The following CCDC149 variants were observed in gnomAD, a reference collection of about 807,000 sequenced individuals.
CCDC149 encodes coiled-coil domain containing 149.
Under a neutral mutation model 59.9 loss-of-function variants are expected in CCDC149, and 45 were observed. The observed-to-expected ratio is 0.75, with a 90% CI of 0.59 to 0.96. CCDC149 has a LOEUF of 0.96. CCDC149 is among the 40% of genes least tolerant of loss of function. The pLI, the probability that CCDC149 is intolerant of heterozygous loss-of-function variation, is 0.00. For missense variants in CCDC149, 584 were observed against 664.7 expected (o/e 0.88, Z 1.33); for synonymous variants, 245 against 260.6 (o/e 0.94, Z 0.58).
At chr4:24,808,950 C>A in intron 12 of CCDC149, 131 bp from the exon 13 acceptor site, 1 of 808,370 alleles carries the variant, frequency 1.2e-6, no homozygotes, top group South Asian at 1.9e-5. Flanking sequence ...TTTTGGCTCC[C>A]TGTGCAGGGC....
In CCDC149 at chr4:24,807,455, G is replaced by A. The variant is rs138285987; in HGVS notation, c.*934C>T. The stretch of plus-strand genomic sequence containing the variant: ...AGGCAGCCTCAACATTCTGTTGAAG[G>A]AGTGAAGGGTTTGGAAGTTCCAGGT... On this transcript the variant is annotated 3_prime_UTR_variant, in exon 13 of 13. Coordinates refer to ENST00000635206, the MANE Select transcript of CCDC149 (RefSeq NM_001330643.2). 1.3e-5 allele frequency: 2 copies of A among 152,336 alleles called. No homozygotes were observed. The highest frequency in any genetic ancestry group is 4.8e-5 in the African/African-American group (2 of 41,558). The allele number at this position is 152,336 out of a possible 1,614,324, so 9.4% of individuals were successfully genotyped here. A position where few individuals can be genotyped will look rare whatever the true frequency, so the allele number is the denominator to read the frequency against.
chr4:24,871,058 A>G (rs2109232437), intron 3 of CCDC149, among the ~76,000 whole-genome samples: 1 of 152,026 alleles, frequency 6.6e-6, no homozygotes, highest in Non-Finnish European at 1.5e-5. Flanking sequence ...AAAAAAAAAA[A>G]AAGATAAATT....
intron 1 of CCDC149, among the ~76,000 whole-genome samples, chr4:24,880,406 C>A (rs60086354): frequency 6.6e-6 from 1 of 152,142 alleles, no homozygotes; most frequent in Non-Finnish European, 1.5e-5. Flanking sequence ...AAAGCAACCC[C>A]GTCATTAAGT....
chr4:24,839,482 A>G (rs943572209), intron 4 of CCDC149, among the ~76,000 whole-genome samples: 28 of 152,188 alleles, frequency 1.8e-4, no homozygotes, highest in African/African-American at 6.8e-4. Flanking sequence ...CCCGGCCTTT[A>G]CTTTCTAACT....
At chr4:24,897,900 T>C (rs1270180389) in intron 1 of CCDC149, among the ~76,000 whole-genome samples, 1 of 152,154 alleles carries the variant, frequency 6.6e-6, no homozygotes, top group South Asian at 2.1e-4. Context: ...AGCCAGAGAA[T>C]GTTGGGAAGG....
intron 1 of CCDC149, among the ~76,000 whole-genome samples, chr4:24,951,381 C>T (rs1429969194): frequency 6.6e-6 from 1 of 152,076 alleles, no homozygotes; most frequent in African/African-American, 2.4e-5. Flanking sequence ...AGCAAATATG[C>T]CATAGTCAGT....
intron 5 of CCDC149, 114 bp downstream of exon 5, chr4:24,838,042 C>T (rs527273754): frequency 3.6e-5 from 30 of 844,784 alleles, no homozygotes; most frequent in South Asian, 2.7e-4. Flanking sequence ...AAGCATTCAA[C>T]GTGCATCCCA....
downstream of CCDC149, among the ~76,000 whole-genome samples, chr4:24,805,273 G>A (rs1386554072): frequency 6.6e-6 from 1 of 152,126 alleles, no homozygotes; most frequent in Non-Finnish European, 1.5e-5. Context: ...AATAATGGAA[G>A]GACAAACACG....
rs374895317 is a variant in CCDC149, at chr4:24,874,369, C to T, written c.226-650G>A. Among the ~76,000 whole-genome samples the T allele has an allele frequency of 2.7e-5, 4 of 149,132 alleles. No individual in the cohort carries two copies. In the East Asian group the frequency reaches 5.9e-4, roughly 22 times the overall value. On this transcript the variant is annotated intron_variant, in intron 2 of 12. Coordinates refer to ENST00000635206, the MANE Select transcript of CCDC149 (RefSeq NM_001330643.2). ...GCCAAGGTGGGCAGGTCACTTGAGGCCAGGAGTTCAAGACCAGCTGGGCCA... is the reference window on the plus strand; with the variant it reads ...GCCAAGGTGGGCAGGTCACTTGAGGTCAGGAGTTCAAGACCAGCTGGGCCA...
At chr4:24,900,984 T>A (rs939867150) in intron 1 of CCDC149, among the ~76,000 whole-genome samples, 1 of 152,184 alleles carries the variant, frequency 6.6e-6, no homozygotes, top group Non-Finnish European at 1.5e-5. Context: ...GAACACCAGG[T>A]GATGGGGAGC....
chr4:24,882,692 G>A (rs1202406426), intron 1 of CCDC149, among the ~76,000 whole-genome samples: 3 of 152,170 alleles, frequency 2.0e-5, no homozygotes, highest in Non-Finnish European at 4.4e-5. Flanking sequence ...ATCCCTGGCT[G>A]CTGCCTGAGA....
chr4:24,850,446 C>A (rs372978862), intron 4 of CCDC149, among the ~76,000 whole-genome samples: 622 of 33,178 alleles, frequency 0.019, 8 homozygotes, highest in African/African-American at 0.15. Context: ...GGGAGAGGAG[C>A]AGAGCTTGCA....
In CCDC149 at chr4:24,822,480, C is replaced by G; in HGVS notation, c.1042+17G>C. The G allele has an allele frequency of 7.0e-7, 1 of 1,438,720 alleles. No individual in the cohort carries two copies. The highest frequency in any genetic ancestry group is 9.2e-7 in the Non-Finnish European group (1 of 1,085,950). 89.1% of individuals were successfully genotyped at this position (1,438,720 alleles called of 1,614,324 possible). A position where few individuals can be genotyped will look rare whatever the true frequency, so the allele number is the denominator to read the frequency against. On this transcript the variant is annotated intron_variant, in intron 10 of 12. Transcript: ENST00000635206. ...AAAAAAAAAAAAGGAAAATTGTTTT[C>G]ATGAGGTTCTGTTTACCTGGAAGAC...
At chr4:24,858,023 A>G (rs373127885) in intron 3 of CCDC149, among the ~76,000 whole-genome samples, 5 of 152,152 alleles carry the variant, frequency 3.3e-5, no homozygotes, top group South Asian at 4.1e-4. Flanking sequence ...CACCTTAAAG[A>G]ACAGCAAAAA....
At chr4:24,952,381 C>T (rs762907781) in intron 1 of CCDC149, among the ~76,000 whole-genome samples, 4 of 151,558 alleles carry the variant, frequency 2.6e-5, no homozygotes, top group South Asian at 2.1e-4. Flanking sequence ...CACTTGAGGT[C>T]GGGAGTTCAA....
chr4:24,953,892 G>A (rs1022729393), intron 1 of CCDC149, among the ~76,000 whole-genome samples: 1 of 151,918 alleles, frequency 6.6e-6, no homozygotes, highest in Admixed American at 6.6e-5. Context: ...TATAATAACT[G>A]AAACAAAAGG....
In CCDC149 at chr4:24,807,528, C is replaced by G. The variant is rs1389706826; in HGVS notation, c.*861G>C. ...CCCAGCAGGTAGATCTTTCCCAAAC[C>G]TGAAATGGCCATACAATCCTGTATG... On this transcript the variant is annotated 3_prime_UTR_variant, in exon 13 of 13. Coordinates refer to ENST00000635206, the MANE Select transcript of CCDC149 (RefSeq NM_001330643.2). 6.6e-6 allele frequency: 1 copy of G among 152,096 alleles called. No homozygotes were observed. Among genetic ancestry groups the G allele is most frequent in the Non-Finnish European group, 1.5e-5 (1 of 68,032 alleles). The allele number at this position is 152,096 out of a possible 1,614,324, so 9.4% of individuals were successfully genotyped here.
intron 1 of CCDC149, among the ~76,000 whole-genome samples, chr4:24,961,061 C>T (rs967053154): frequency 1.3e-5 from 2 of 152,202 alleles, no homozygotes; most frequent in African/African-American, 4.8e-5. Context: ...ATAGAATACA[C>T]ATTCTTCTCA....
At chr4:24,897,188 G>C (rs1720895207) in intron 1 of CCDC149, among the ~76,000 whole-genome samples, 1 of 152,106 alleles carries the variant, frequency 6.6e-6, no homozygotes, top group African/African-American at 2.4e-5. Context: ...AACCTTGAGA[G>C]AGAAGTAAGA....
Sources: gnomAD v4.1 joint callset for allele counts (sites outside exome capture counted in the v4.1 genomes callset) on GRCh38, gnomAD v4.1.1 for gene constraint, MANE v1.5 for transcripts, NCBI Gene and HGNC (gene_info 2026-07-23, HGNC 2026-07-21) for gene names.